Variants in PAM observed in about 807,000 individuals in gnomAD.
PAM encodes the protein peptidyl-glycine alpha-amidating monooxygenase.
A neutral mutation model predicts 122.1 loss-of-function variants in PAM; 72 were observed. That is an observed-to-expected ratio of 0.59 (90% confidence interval 0.49 to 0.72). The LOEUF is 0.72. PAM is among the 30% of genes least tolerant of loss of function. The pLI is 0.00. For missense variants in PAM, 1,106 were observed against 1,183.7 expected (o/e 0.93, Z 0.96); for synonymous variants, 389 against 404.4 (o/e 0.96, Z 0.46).
intron 1 of PAM, among the ~76,000 whole-genome samples, chr5:102,791,539 TA>T (rs1762057759): frequency 6.6e-6 from 1 of 152,164 alleles, no homozygotes; most frequent in Non-Finnish European, 1.5e-5. Context: ...AAGACTTATT[TA>T]TGTGTTAAAG....
intron 1 of PAM, among the ~76,000 whole-genome samples, chr5:102,821,251 C>G (rs1359307508): frequency 2.0e-5 from 3 of 152,058 alleles, no homozygotes; most frequent in Non-Finnish European, 4.4e-5. Context: ...TCCTGAGGAG[C>G]TTACATGCTC....
chr5:102,890,921 A>G (rs945648837), intron 3 of PAM, among the ~76,000 whole-genome samples: 3 of 151,918 alleles, frequency 2.0e-5, no homozygotes, highest in Non-Finnish European at 2.9e-5. Context: ...TGTGACAAGT[A>G]TCCACTGGGA....
intron 1 of PAM, among the ~76,000 whole-genome samples, chr5:102,778,670 G>C (rs1757809975): frequency 6.6e-6 from 1 of 152,120 alleles, no homozygotes; most frequent in African/African-American, 2.4e-5. Context: ...TACCAAATTA[G>C]AAACCTCTGA....
intron 14 of PAM, 61 bp downstream of exon 14, chr5:102,961,290 A>G (rs1315608699): frequency 1.1e-6 from 1 of 878,076 alleles, no homozygotes; most frequent in Non-Finnish European, 1.9e-6. Flanking sequence ...GTAGGCAACC[A>G]AATTGTAAAG....
intron 15 of PAM, among the ~76,000 whole-genome samples, chr5:102,976,437 C>G (rs1767700290): frequency 6.6e-6 from 1 of 151,892 alleles, no homozygotes; most frequent in South Asian, 2.1e-4. Flanking sequence ...AAGTTATTAG[C>G]ATATAAGGCC....
rs1217701307 is a variant in PAM, at chr5:102,949,496, A to C, written c.644-41A>C. The C allele has an allele frequency of 4.3e-6, 4 of 939,410 alleles. No homozygotes were observed. The African/African-American group carries it at 6.4e-5, about 15-fold the overall frequency. The allele number at this position is 939,410 out of a possible 1,614,324, so 58.2% of individuals were successfully genotyped here. A position where few individuals can be genotyped will look rare whatever the true frequency, so the allele number is the denominator to read the frequency against. On this transcript the variant is annotated intron_variant, in intron 9 of 25. Coordinates refer to ENST00000438793, the MANE Select transcript of PAM (RefSeq NM_001177306.2). ...TTAGATAAGAATAATGTCATTTTCC[A>C]GTTGAATAGTGACTTTTGTCTGTGT... is the stretch of plus-strand genomic sequence containing the variant.
At chr5:102,856,473 G>A (rs1440778634) in intron 1 of PAM, among the ~76,000 whole-genome samples, 1 of 152,168 alleles carries the variant, frequency 6.6e-6, no homozygotes, top group Non-Finnish European at 1.5e-5. Flanking sequence ...GTAAAAAGAT[G>A]TGTGCTATTT....
chr5:102,887,529 A>T (rs933846804), intron 3 of PAM, among the ~76,000 whole-genome samples: 19 of 151,988 alleles, frequency 1.3e-4, no homozygotes, highest in African/African-American at 4.6e-4. Context: ...CAGTCAAAGC[A>T]CAGAGCACAT....
intron 1 of PAM, among the ~76,000 whole-genome samples, chr5:102,822,634 G>A (rs1772340936): frequency 6.6e-6 from 1 of 152,104 alleles, no homozygotes; most frequent in Admixed American, 6.6e-5. Flanking sequence ...ATACTCTGGT[G>A]TTATTAAAAC....
At chr5:103,012,662 G>C (rs940124864) in intron 21 of PAM, among the ~76,000 whole-genome samples, 1 of 152,024 alleles carries the variant, frequency 6.6e-6, no homozygotes, top group Non-Finnish European at 1.5e-5. Flanking sequence ...AGACCATCCT[G>C]GCTAACACGG....
intron 9 of PAM, among the ~76,000 whole-genome samples, 166 bp downstream of exon 9, chr5:102,948,611 T>C (rs1449115035): frequency 1.3e-5 from 2 of 152,184 alleles, no homozygotes; most frequent in Non-Finnish European, 2.9e-5. Context: ...TTTTGTATTA[T>C]TCCAAGCCAG....
chr5:102,985,104 A>T (rs958824323), intron 15 of PAM, among the ~76,000 whole-genome samples: 1 of 152,136 alleles, frequency 6.6e-6, no homozygotes, highest in Non-Finnish European at 1.5e-5. Context: ...GGGAGTTTGT[A>T]GCAGTAAATA....
chr5:102,935,672 C>T (rs185973277), intron 7 of PAM, among the ~76,000 whole-genome samples: 2 of 152,214 alleles, frequency 1.3e-5, no homozygotes, highest in East Asian at 3.9e-4. Context: ...TCCTTGCCTG[C>T]ACTAGATGTT....
intron 17 of PAM, 128 bp from the exon 18 acceptor site, chr5:103,005,026 A>G (rs1331288282): frequency 1.5e-5 from 9 of 611,750 alleles, no homozygotes; most frequent in South Asian, 4.3e-5. Context: ...GTTCTTTTCT[A>G]TAATAATGCA....
chr5:102,816,132 C>T (rs904759422), intron 1 of PAM, among the ~76,000 whole-genome samples: 11 of 152,044 alleles, frequency 7.2e-5, no homozygotes, highest in Non-Finnish European at 8.8e-5. Flanking sequence ...TATTGGATTG[C>T]AGTTATTTTT....
chr5:102,834,870 G>A (rs989561367), intron 1 of PAM, among the ~76,000 whole-genome samples: 5 of 148,838 alleles, frequency 3.4e-5, no homozygotes, highest in Admixed American at 6.6e-5. Context: ...AGGTACCAAC[G>A]GCAAATCAGG....
chr5:102,921,925 A>T (rs1450010116), intron 5 of PAM, among the ~76,000 whole-genome samples: 1 of 152,194 alleles, frequency 6.6e-6, no homozygotes, highest in Non-Finnish European at 1.5e-5. Flanking sequence ...ATTCAACTTT[A>T]AATTACAACT....
intron 7 of PAM, among the ~76,000 whole-genome samples, chr5:102,939,079 G>T (rs981745823): frequency 1.3e-5 from 2 of 152,024 alleles, no homozygotes; most frequent in African/African-American, 4.8e-5. Context: ...ATAGATACAT[G>T]ACCTAAAAAA....
chr5:102,901,071 G>A (rs1399589006), intron 3 of PAM, among the ~76,000 whole-genome samples: 2 of 151,450 alleles, frequency 1.3e-5, no homozygotes, highest in South Asian at 2.1e-4. Context: ...TTTTATAAAA[G>A]CATCTAAAAA....
Sources: allele counts gnomAD v4.1 joint callset (sites outside exome capture counted in the v4.1 genomes callset), GRCh38; gene constraint gnomAD v4.1.1; transcripts MANE v1.5; gene names NCBI Gene and HGNC (gene_info 2026-07-23, HGNC 2026-07-21).